LRP1B: variants seen among roughly 807,000 people sequenced by gnomAD.
The protein encoded by LRP1B is LDL receptor related protein 1B.
In LRP1B, 217 loss-of-function variants were observed where a neutral mutation model predicts 556.6. That is an observed-to-expected ratio of 0.39 (90% CI 0.35 to 0.44). LRP1B has a LOEUF of 0.44. Ranked by LOEUF, LRP1B falls within the 20% of genes least tolerant of loss-of-function variation. The pLI, the probability that LRP1B is intolerant of heterozygous loss-of-function variation, is 1.00. For missense variants in LRP1B, 5,053 were observed against 5,620.8 expected (o/e 0.90, Z 3.23); for synonymous variants, 2,047 against 1,865.8 (o/e 1.10, Z -2.50).
intron 46 of LRP1B, among the ~76,000 whole-genome samples, chr2:140,534,343 G>A (rs187596327): frequency 2.0e-5 from 3 of 152,226 alleles, no homozygotes; most frequent in African/African-American, 7.2e-5. Context: ...TTGACTTAGT[G>A]TTTTAACTTT....
chr2:141,921,690 T>C (rs1350736615), intron 1 of LRP1B, among the ~76,000 whole-genome samples: 3 of 152,054 alleles, frequency 2.0e-5, no homozygotes, highest in African/African-American at 7.2e-5. Context: ...ACCCTAATGC[T>C]TCTCATCAAT....
Position 141,920,525 on chromosome 2 carries a change from A to G in LRP1B, c.83-110124T>C, listed in dbSNP as rs578180737. Among the ~76,000 whole-genome samples, 3 of 152,174 alleles carry G rather than the reference A, an allele frequency of 2.0e-5. No homozygotes were observed. In the South Asian group the frequency reaches 6.2e-4, roughly 32 times the overall value. On this transcript the variant is annotated intron_variant, in intron 1 of 90. Transcript: ENST00000389484. ...GAACTCAATGTGCTGACAGGAGGAA[A>G]GGATGAGTTCAGGTTATTATCACTG...
intron 43 of LRP1B, among the ~76,000 whole-genome samples, chr2:140,598,164 T>A (rs1376959848): frequency 6.6e-6 from 1 of 152,194 alleles, no homozygotes; most frequent in Non-Finnish European, 1.5e-5. Context: ...GAGAGTCCAG[T>A]GATTAGAACA....
chr2:141,292,114 T>C (rs1685994235), intron 3 of LRP1B, among the ~76,000 whole-genome samples: 1 of 152,040 alleles, frequency 6.6e-6, no homozygotes, highest in Non-Finnish European at 1.5e-5. Context: ...CACATTAGAT[T>C]CTCATAGGAG....
chr2:141,895,067 G>T (rs975543041), intron 1 of LRP1B, among the ~76,000 whole-genome samples: 1 of 126,970 alleles, frequency 7.9e-6, no homozygotes, highest in African/African-American at 2.8e-5. Context: ...AAAAAAAAAA[G>T]AAAAGAAAAA....
At chr2:141,848,368 T>C (rs891865730) in intron 1 of LRP1B, among the ~76,000 whole-genome samples, 1 of 151,352 alleles carries the variant, frequency 6.6e-6, no homozygotes, top group Non-Finnish European at 1.5e-5. Flanking sequence ...ACCAAGTATG[T>C]CTTAGGTGAA....
intron 11 of LRP1B, 42 bp downstream of exon 11, chr2:141,048,944 C>A (rs926469436): frequency 3.5e-6 from 5 of 1,426,326 alleles, no homozygotes; most frequent in Non-Finnish European, 5.0e-6. Flanking sequence ...TAAAGTGCTT[C>A]ATCTCTGGGT....
chr2:141,891,639 T>C (rs762870711), intron 1 of LRP1B, among the ~76,000 whole-genome samples: 9 of 152,160 alleles, frequency 5.9e-5, no homozygotes, highest in Non-Finnish European at 8.8e-5. Flanking sequence ...TAGAATGTTG[T>C]ATTATAAAGT....
chr2:141,590,776 C>T (rs1471416628), intron 2 of LRP1B, among the ~76,000 whole-genome samples: 1 of 152,028 alleles, frequency 6.6e-6, no homozygotes, highest in East Asian at 1.9e-4. Context: ...CCAGATATGC[C>T]GGGCTGCTGA....
chr2:141,436,374 T>A (rs1680764860), intron 3 of LRP1B, among the ~76,000 whole-genome samples: 1 of 152,134 alleles, frequency 6.6e-6, no homozygotes, highest in African/African-American at 2.4e-5. Context: ...ATTGAACTCA[T>A]AGAAACAGAG....
intron 35 of LRP1B, among the ~76,000 whole-genome samples, chr2:140,740,443 T>C (rs958378751): frequency 6.6e-6 from 1 of 152,088 alleles, no homozygotes; most frequent in Admixed American, 6.6e-5. Flanking sequence ...CTCACTGGTA[T>C]GTGGGAGCTA....
At chr2:142,099,664 C>A (rs1043472895) in intron 1 of LRP1B, among the ~76,000 whole-genome samples, 1 of 151,836 alleles carries the variant, frequency 6.6e-6, no homozygotes, top group Non-Finnish European at 1.5e-5. Context: ...ATTTGCCAGA[C>A]CAAATTCTTC....
chr2:141,131,646 G>A (rs1183581833), intron 7 of LRP1B, among the ~76,000 whole-genome samples: 1 of 150,318 alleles, frequency 6.7e-6, no homozygotes, highest in Non-Finnish European at 1.5e-5. Context: ...AACTATCTCT[G>A]AGGTGGGCTG....
chr2:141,058,544 TTTTAAA>T (rs1311633261), intron 9 of LRP1B, among the ~76,000 whole-genome samples: 1 of 151,886 alleles, frequency 6.6e-6, no homozygotes, highest in African/African-American at 2.4e-5. Flanking sequence ...AGTCACCTGA[TTTTAAA>T]TTTGTCTACC....
chr2:141,477,340 G>A (rs1385448463), intron 3 of LRP1B, among the ~76,000 whole-genome samples: 10 of 150,568 alleles, frequency 6.6e-5, no homozygotes, highest in Non-Finnish European at 1.0e-4. Flanking sequence ...GAAAGGTAAC[G>A]TTTGAATTAA....
At chr2:141,851,585 G>A (rs1257077497) in intron 1 of LRP1B, among the ~76,000 whole-genome samples, 1 of 151,652 alleles carries the variant, frequency 6.6e-6, no homozygotes, top group African/African-American at 2.4e-5. Flanking sequence ...GATTTCCCAG[G>A]AAATACTCAT....
chr2:141,892,371 C>A (rs531341996), intron 1 of LRP1B, among the ~76,000 whole-genome samples: 1 of 151,632 alleles, frequency 6.6e-6, no homozygotes, highest in South Asian at 2.1e-4. Flanking sequence ...ACGGATAGAC[C>A]CTTTTTTCTC....
chr2:141,130,517 T>C (rs1017362321), intron 7 of LRP1B, among the ~76,000 whole-genome samples: 2 of 152,086 alleles, frequency 1.3e-5, no homozygotes, highest in African/African-American at 4.8e-5. Flanking sequence ...TAGAGCACTA[T>C]TTGGAAATAT....
At chr2:142,053,391 A>G (rs1301080218) in intron 1 of LRP1B, among the ~76,000 whole-genome samples, 9 of 152,162 alleles carry the variant, frequency 5.9e-5, no homozygotes, top group Non-Finnish European at 1.3e-4. Flanking sequence ...TCAAATGTTC[A>G]CAGCTATAAA....
Sources: gnomAD v4.1 joint callset for allele counts (sites outside exome capture counted in the v4.1 genomes callset) on GRCh38, gnomAD v4.1.1 for gene constraint, MANE v1.5 for transcripts, NCBI Gene and HGNC (gene_info 2026-07-23, HGNC 2026-07-21) for gene names.